The following CLCN1 variants were observed in gnomAD, a reference collection of about 807,000 sequenced individuals.
CLCN1 encodes the protein chloride channel protein 1.
CLCN1 carries 100 observed loss-of-function variants against 114.5 expected under a neutral mutation model. That is an observed-to-expected ratio of 0.87 (90% CI 0.74 to 1.03). CLCN1 has a LOEUF of 1.03. Among genes scored for constraint, CLCN1 ranks in the 50% least tolerant of loss-of-function variants. The probability of loss-of-function intolerance (pLI) is 0.00; values close to 1 mark genes in which losing one functional copy is unlikely to be tolerated. For synonymous variants in CLCN1, 485 were observed against 487.1 expected (o/e 1.00, Z 0.06); for missense variants, 1,188 against 1,250.0 (o/e 0.95, Z 0.75).
At chr7:143,333,564 C>T (rs1299306230) in intron 12 of CLCN1, among the ~76,000 whole-genome samples, 3 of 152,206 alleles carry the variant, frequency 2.0e-5, no homozygotes, top group Admixed American at 2.0e-4. Context: ...ATTTCATTCT[C>T]CATGTATCTG....
At chr7:143,320,622 T>C (rs776437828) in intron 2 of CLCN1, 42 bp from the exon 3 acceptor site, 2 of 1,572,130 alleles carry the variant, frequency 1.3e-6, no homozygotes, top group Non-Finnish European at 1.7e-6. Context: ...TGTTTGTTTG[T>C]TTGTTGTTTG....
At chr7:143,351,386 T>C (rs2116400047) in intron 22 of CLCN1, among the ~76,000 whole-genome samples, 1 of 152,272 alleles carries the variant, frequency 6.6e-6, no homozygotes, top group East Asian at 1.9e-4. Flanking sequence ...GTGGATCTTT[T>C]GTCATGCCCC....
chr7:143,316,904 C>T (rs925984826), intron 1 of CLCN1, among the ~76,000 whole-genome samples: 5 of 152,188 alleles, frequency 3.3e-5, no homozygotes, highest in African/African-American at 1.2e-4. Context: ...GATCTACCAA[C>T]GTCAAAATGA....
rs1212563556 is a variant in CLCN1, at chr7:143,351,776, C to A, written c.2778C>A (p.Ser926=). The A allele has an allele frequency of 1.2e-6, 2 of 1,614,028 alleles. No individual in the cohort carries two copies. The highest frequency in any genetic ancestry group is 3.3e-5 in the Admixed American group (2 of 60,000). ...GAACAGGGGATGTGATTGCTGCCTC[C>A]CCAGAGACCCCTGTGCCATCTCCTT... ...ATGTGDVIAA[S]PETPVPSPSP... The change falls in exon 23 of 23, where the codon TCC becomes TCA. Residue 926 remains serine (S), a synonymous_variant. Coordinates refer to ENST00000343257, the MANE Select transcript of CLCN1 (RefSeq NM_000083.3).
At chr7:143,330,727 C>A in intron 7 of CLCN1, 45 bp from the exon 8 acceptor site, 1 of 1,613,136 alleles carries the variant, frequency 6.2e-7, no homozygotes. Flanking sequence ...TGGGGGAGCA[C>A]TTTCACTGCT....
Position 143,323,195 on chromosome 7 carries a change from C to A in CLCN1, c.697-114C>A, listed in dbSNP as rs572841692. 1.7e-4 allele frequency: 124 copies of A among 733,952 alleles called. No homozygotes were observed. The African/African-American group carries it at 1.8e-3, about 11-fold the overall frequency. 45.5% of individuals were successfully genotyped at this position (733,952 alleles called of 1,614,324 possible). On this transcript the variant is annotated intron_variant, in intron 5 of 22. Transcript: ENST00000343257. The stretch of plus-strand genomic sequence containing the variant: ...GAGGGCAGGACCTCTGTGTAACTCC[C>A]GTATTTCCAGCCCCTGGCACAGTGC...
chr7:143,320,562 T>A, intron 2 of CLCN1, 102 bp from the exon 3 acceptor site: 1 of 982,262 alleles, frequency 1.0e-6, no homozygotes, highest in Non-Finnish European at 1.5e-6. Context: ...TTTCTCTCTC[T>A]CTCTCTCTCT....
Position 143,332,483 on chromosome 7 carries a change from G to T in CLCN1, c.1231G>T (p.Gly411Cys), listed in dbSNP as rs756199349. Reference sequence around the variant, plus strand: ...CTCATTCACCTTCCCACCAGGAATGGGTCAATTCATGGCTGGAGAGGTCAG... The same window carrying T: ...CTCATTCACCTTCCCACCAGGAATGTGTCAATTCATGGCTGGAGAGGTCAG... ...IASFTFPPGMGQFMAGELMPR... is the reference protein window; with the variant it reads ...IASFTFPPGMCQFMAGELMPR... The change falls in exon 11 of 23, where the codon GGT (glycine) becomes TGT (cysteine). Residue 411 changes from glycine to cysteine, a missense_variant. Coordinates refer to ENST00000343257, the MANE Select transcript of CLCN1 (RefSeq NM_000083.3). 1.2e-6 allele frequency: 2 copies of T among 1,613,962 alleles called. No individual in the cohort carries two copies. The highest frequency in any genetic ancestry group is 1.7e-6 in the Non-Finnish European group (2 of 1,179,874).
chr7:143,328,163 C>G (rs1039759962), intron 7 of CLCN1, among the ~76,000 whole-genome samples: 1 of 152,098 alleles, frequency 6.6e-6, no homozygotes, highest in African/African-American at 2.4e-5. Flanking sequence ...TAGGTGAGAC[C>G]ATTTTTGCAG....
chr7:143,344,899 T>TA (rs1367574894), intron 16 of CLCN1, among the ~76,000 whole-genome samples: 2 of 151,984 alleles, frequency 1.3e-5, no homozygotes, highest in Non-Finnish European at 2.9e-5. Flanking sequence ...TACAGGCGCC[T>TA]GCCACCACGC....
rs1417174086 is a variant in CLCN1 at position 143,345,648 on chromosome 7, C to T, written c.2058C>T (p.Tyr686=). 6.4e-7 allele frequency: 1 copy of T among 1,566,142 alleles called. No homozygotes were observed. The highest frequency in any genetic ancestry group is 1.2e-5 in the South Asian group (1 of 85,250). ...CGCGGAAGTTGTCGGAGCTGCCTTA[C>T]GACGGGAAGGCGCGGCTGGCTGGGG... ...EMARKLSELP[Y]DGKARLAGEG... is the part of the protein sequence containing the mutation. The change falls in exon 17 of 23, where the codon TAC becomes TAT. Residue 686 remains tyrosine (Y), a synonymous_variant. Coordinates refer to ENST00000343257, the MANE Select transcript of CLCN1 (RefSeq NM_000083.3).
intron 14 of CLCN1, among the ~76,000 whole-genome samples, chr7:143,340,233 T>G (rs180899915): frequency 1.1e-4 from 17 of 152,336 alleles, no homozygotes; most frequent in African/African-American, 3.8e-4. Context: ...CATAGAGAAG[T>G]GCTGACCAGC....
At chr7:143,341,690 A>C (rs1046056580) in intron 14 of CLCN1, among the ~76,000 whole-genome samples, 3 of 152,180 alleles carry the variant, frequency 2.0e-5, no homozygotes, top group Non-Finnish European at 4.4e-5. Flanking sequence ...CATATTATAA[A>C]TGAAAATTTT....
At chr7:143,319,673 C>T in intron 1 of CLCN1, 82 bp from the exon 2 acceptor site, 1 of 1,455,454 alleles carries the variant, frequency 6.9e-7, no homozygotes, top group East Asian at 2.3e-5. Flanking sequence ...TTCTTTTCTT[C>T]TGTGAGTCTG....
intron 11 of CLCN1, 49 bp from the exon 12 acceptor site, chr7:143,332,675 C>A: frequency 6.2e-7 from 1 of 1,609,512 alleles, no homozygotes; most frequent in Non-Finnish European, 8.5e-7. Context: ...AAAAAGGAAG[C>A]ACAGGAGTTC....
chr7:143,345,613 C>T lies in CLCN1; in HGVS notation c.2023C>T (p.Gln675Ter), dbSNP rs1563086980. 3 of 1,558,070 alleles carry T rather than the reference C, an allele frequency of 1.9e-6. No individual in the cohort carries two copies. Among genetic ancestry groups the T allele is most frequent in the Non-Finnish European group, 2.6e-6 (3 of 1,151,398 alleles). Residue 675 changes from glutamine to a stop codon, truncating the protein, a stop_gained, in exon 17 of 23, where the codon CAA becomes TAA. Coordinates refer to ENST00000343257, the MANE Select transcript of CLCN1 (RefSeq NM_000083.3). LOFTEE classifies it high-confidence loss of function. Reference protein sequence around the residue: ...LCPERRLRAAQEMARKLSELP... With the variant: ...LCPERRLRAA ...TCCTGAGCGCAGGCTGCGCGCAGCC[C>T]AAGAGATGGCGCGGAAGTTGTCGGA...
intron 16 of CLCN1, among the ~76,000 whole-genome samples, chr7:143,344,994 C>G (rs148076432): frequency 6.6e-6 from 1 of 152,222 alleles, no homozygotes; most frequent in African/African-American, 2.4e-5. Context: ...TCAGGCGACC[C>G]GCCTGCCTCG....
chr7:143,321,285 C>A lies in CLCN1; in HGVS notation c.434-80C>A, dbSNP rs1193572474. The A allele has an allele frequency of 9.7e-6, 15 of 1,550,266 alleles. No individual in the cohort carries two copies. The highest frequency in any genetic ancestry group is 1.3e-5 in the Non-Finnish European group (15 of 1,132,394). On this transcript the variant is annotated intron_variant, in intron 3 of 22. Transcript: ENST00000343257. This position sits in a 1 kb window ranked among gnomAD's most constrained non-coding sequence, Gnocchi z 4.2. ...ACACAGAAGGAGCACGGCCTGAGAA[C>A]ATGCCGGGTACACGTCCTGGTGCCG... is the stretch of plus-strand genomic sequence containing the variant.
In CLCN1 at chr7:143,341,976, G is replaced by A. The variant is rs1554438433; in HGVS notation, c.1630G>A (p.Val544Met). 1 of 1,614,178 alleles carries A rather than the reference G, an allele frequency of 6.2e-7. No individual in the cohort carries two copies. The highest frequency in any genetic ancestry group is 8.5e-7 in the Non-Finnish European group (1 of 1,180,042). ...GAVSHTVSTA[V>M]ICFELTGQIA... ...CGTTTCCCACACAGTCTCCACAGCT[G>A]TGATTTGCTTCGAATTAACGGGTCA... Residue 544 changes from valine (V) to methionine (M), a missense_variant, in exon 15 of 23, where the codon GTG becomes ATG. By Grantham distance (21) the Val-to-Met change is conservative. Transcript: ENST00000343257.
Sources: gnomAD v4.1 joint callset for allele counts (sites outside exome capture counted in the v4.1 genomes callset) on GRCh38, gnomAD v4.1.1 for gene constraint, Gnocchi (gnomAD v3.1) non-coding constraint, MANE v1.5 for transcripts, NCBI Gene and HGNC (gene_info 2026-07-23, HGNC 2026-07-21) for gene names.